PCTP: variants seen among roughly 807,000 people sequenced by gnomAD.
The protein encoded by PCTP is START domain-containing protein 2.
In PCTP, 27 loss-of-function variants were observed where a neutral mutation model predicts 31.0. That is an observed-to-expected ratio of 0.87 (90% CI 0.64 to 1.20). PCTP has a LOEUF of 1.20. PCTP is among the 50% of genes most tolerant of loss of function. PCTP has a pLI of 0.00. For synonymous variants in PCTP, 108 were observed against 101.2 expected (o/e 1.07, Z -0.40); for missense variants, 287 against 268.2 (o/e 1.07, Z -0.49).
chr17:55,769,762 A>T (rs746695337), intron 2 of PCTP: 2 of 152,296 alleles, frequency 1.3e-5, no homozygotes, highest in East Asian at 3.8e-4. Context: ...ATTCGTCACC[A>T]TGGCCGTGTC....
intron 2 of PCTP, chr17:55,769,235 T>C (rs1024160461): frequency 2.6e-5 from 4 of 152,230 alleles, no homozygotes; most frequent in African/African-American, 9.6e-5. Context: ...GATGCCAGGA[T>C]TGGCTCTTGT....
intron 1 of PCTP, among the ~76,000 whole-genome samples, chr17:55,762,106 A>G (rs1158983770): frequency 6.6e-6 from 1 of 152,144 alleles, no homozygotes; most frequent in Non-Finnish European, 1.5e-5. Flanking sequence ...GGGATGTGGG[A>G]TGAAAGGATG....
intron 5 of PCTP, among the ~76,000 whole-genome samples, chr17:55,828,531 A>G (rs1567732768): frequency 6.6e-6 from 1 of 152,142 alleles, no homozygotes; most frequent in African/African-American, 2.4e-5. Flanking sequence ...TTTTTATGAC[A>G]CCAGTCATTG....
intron 3 of PCTP, among the ~76,000 whole-genome samples, chr17:55,788,991 A>T (rs2145000850): frequency 6.6e-6 from 1 of 152,296 alleles, no homozygotes; most frequent in East Asian, 1.9e-4. Flanking sequence ...TCAAATTTTG[A>T]GCCTGGCACC....
chr17:55,792,892 T>A (rs1347753103), intron 3 of PCTP, among the ~76,000 whole-genome samples: 1 of 152,152 alleles, frequency 6.6e-6, no homozygotes, highest in African/African-American at 2.4e-5. Context: ...CCTCTCTGAC[T>A]CTTTGCTCTG....
chr17:55,751,990 G>A (rs1295735148), intron 1 of PCTP, among the ~76,000 whole-genome samples: 1 of 152,206 alleles, frequency 6.6e-6, no homozygotes, highest in African/African-American at 2.4e-5. Context: ...TGAAACTGAA[G>A]TTTCCTAATA....
At chr17:55,847,334 A>G (rs1906171108), downstream of PCTP, among the ~76,000 whole-genome samples, 1 of 152,188 alleles carries the variant, frequency 6.6e-6, no homozygotes, top group Non-Finnish European at 1.5e-5. Context: ...CCATGGCCCT[A>G]CCCAAATTTC....
rs554477322 is a variant in PCTP at position 55,819,948 on chromosome 17, C to G, written c.318-2813C>G. On this transcript the variant is annotated intron_variant, in intron 3 of 3. Coordinates refer to the PCTP transcript ENST00000572536. ...GAATAATCTTTTTCAACAAATGGTA[C>G]TGAGACAACCGGATATCCATATGCA... Among the ~76,000 whole-genome samples the G allele has an allele frequency of 3.9e-5, 6 of 152,208 alleles. No individual in the cohort carries two copies. In the South Asian group the frequency reaches 6.2e-4, roughly 16 times the overall value.
intron 3 of PCTP, among the ~76,000 whole-genome samples, chr17:55,816,491 A>C (rs1170674160): frequency 6.6e-6 from 1 of 152,252 alleles, no homozygotes; most frequent in African/African-American, 2.4e-5. Flanking sequence ...TGACTCTTTT[A>C]GGATCAATAT....
downstream of PCTP, among the ~76,000 whole-genome samples, chr17:55,843,959 T>C (rs1383515370): frequency 6.6e-6 from 1 of 152,170 alleles, no homozygotes; most frequent in Non-Finnish European, 1.5e-5. Context: ...TTATAACTAT[T>C]ATTTTAAGAA....
intron 5 of PCTP, among the ~76,000 whole-genome samples, chr17:55,839,873 T>C (rs1402017943): frequency 8.8e-6 from 1 of 113,006 alleles, no homozygotes; most frequent in African/African-American, 3.6e-5. Flanking sequence ...TGAGCCGAGA[T>C]CCCGCCACTG....
At chr17:55,845,614 C>A (rs1906122687), downstream of PCTP, among the ~76,000 whole-genome samples, 1 of 152,144 alleles carries the variant, frequency 6.6e-6, no homozygotes, top group Non-Finnish European at 1.5e-5. Flanking sequence ...CCTCCCCCAC[C>A]CCGCCGTGGG....
At chr17:55,809,416 A>G (rs1210124329) in intron 3 of PCTP, among the ~76,000 whole-genome samples, 1 of 152,184 alleles carries the variant, frequency 6.6e-6, no homozygotes, top group Non-Finnish European at 1.5e-5. Context: ...AAAACTTTGT[A>G]ACATATTGAT....
At chr17:55,775,786 C>A in intron 5 of PCTP, 1 of 1,258,926 alleles carries the variant, frequency 7.9e-7, no homozygotes, top group African/African-American at 1.5e-5. Context: ...GAAACATCTT[C>A]GCTTTTTCCT....
downstream of PCTP, among the ~76,000 whole-genome samples, chr17:55,779,118 T>C (rs1023893412): frequency 1.3e-5 from 2 of 152,182 alleles, no homozygotes; most frequent in Non-Finnish European, 2.9e-5. Flanking sequence ...AGAATTATCT[T>C]TAAATGCATC....
chr17:55,795,719 TA>T (rs748430448), intron 3 of PCTP, among the ~76,000 whole-genome samples: 24 of 152,180 alleles, frequency 1.6e-4, no homozygotes, highest in Non-Finnish European at 2.8e-4. Context: ...TAGTAGATAT[TA>T]AAAAATGTAC....
intron 1 of PCTP, among the ~76,000 whole-genome samples, chr17:55,762,947 C>T (rs1910418304): frequency 6.6e-6 from 1 of 152,222 alleles, no homozygotes. Flanking sequence ...CTACTTCCAA[C>T]ATAATCCTTT....
chr17:55,756,030 T>C (rs527955561), intron 1 of PCTP, among the ~76,000 whole-genome samples: 4 of 152,284 alleles, frequency 2.6e-5, no homozygotes, highest in African/African-American at 9.6e-5. Flanking sequence ...AGGGCTGCCA[T>C]GGGTATTGTG....
downstream of PCTP, among the ~76,000 whole-genome samples, chr17:55,823,369 C>T (rs1213157754): frequency 6.6e-6 from 1 of 152,116 alleles, no homozygotes; most frequent in Non-Finnish European, 1.5e-5. Flanking sequence ...GTTAAAATTT[C>T]TAAGAAGAAA....
Sources: gnomAD v4.1 joint callset for allele counts (sites outside exome capture counted in the v4.1 genomes callset) on GRCh38, gnomAD v4.1.1 for gene constraint, MANE v1.5 for transcripts, NCBI Gene and HGNC (gene_info 2026-07-23, HGNC 2026-07-21) for gene names.